The following XRCC3 variants were observed in gnomAD, a reference collection of about 807,000 sequenced individuals.
XRCC3 encodes X-ray repair cross complementing 3.
A neutral mutation model predicts 29.2 loss-of-function variants in XRCC3; 34 were observed. The observed-to-expected ratio is 1.16, with a 90% CI of 0.88 to 1.55. The LOEUF is 1.55. XRCC3 is among the 40% of genes most tolerant of loss of function. XRCC3 has a pLI of 0.00. For missense variants in XRCC3, 463 were observed against 467.6 expected (o/e 0.99, Z 0.09); for synonymous variants, 223 against 211.3 (o/e 1.06, Z -0.48).
At chr14:103,700,222 C>G (rs1221233442) in intron 7 of XRCC3, 1 of 203,432 alleles carries the variant, frequency 4.9e-6, no homozygotes, top group African/African-American at 2.3e-5. Flanking sequence ...GCATCCAGGC[C>G]TTAGCCCTGT....
intron 6 of XRCC3, chr14:103,703,534 A>C (rs1272802925): frequency 3.2e-6 from 2 of 620,354 alleles, no homozygotes; most frequent in South Asian, 1.8e-5. Flanking sequence ...CCTCAGGAGG[A>C]ATATGGGCTG....
At chr14:103,713,664 A>G (rs2083708130) in intron 1 of XRCC3, 1 of 152,148 alleles carries the variant, frequency 6.6e-6, no homozygotes, top group South Asian at 2.1e-4. Context: ...AGGTGGACTC[A>G]CTCCTCTGCC....
rs1324691444 is a variant in XRCC3, at chr14:103,707,036, G to A, written c.373C>T (p.Gln125Ter). ...QLALQLCLAV[Q>*]FPRQHGGLEA... ...AGGCCTCCGTGCTGCCGCGGGAACT[G>A]CACAGCCAGGCAGAGCTGCAGCGCC... The change falls in exon 6 of 10, where the codon CAG becomes TAG. Residue 125 changes from glutamine (Q) to a stop codon, truncating the protein, a stop_gained. Transcript: ENST00000555055. LOFTEE classifies it high-confidence loss of function. The A allele has an allele frequency of 1.3e-6, 2 of 1,566,636 alleles. No individual in the cohort carries two copies. The highest frequency in any genetic ancestry group is 1.8e-5 in the Admixed American group (1 of 54,502).
In XRCC3 at chr14:103,711,101, TGGCCACCA is replaced by T; in HGVS notation, c.-22_-15del. ...ATCCAAATCCATTTTGTCGGTGGGC[TGGCCACCA>T]GGATGAATAACTTCCCAGGAAAGAC... On this transcript the variant is annotated 5_prime_UTR_variant, in exon 4 of 10. Coordinates refer to ENST00000555055, the MANE Select transcript of XRCC3 (RefSeq NM_005432.4). 1 of 1,614,070 alleles carries T rather than the reference TGGCCACCA, an allele frequency of 6.2e-7. No homozygotes were observed. Among genetic ancestry groups the T allele is most frequent in the African/African-American group, 1.3e-5 (1 of 75,068 alleles).
intron 8 of XRCC3, 32 bp downstream of exon 8, chr14:103,699,332 G>C (rs1281532453): frequency 6.4e-7 from 1 of 1,570,196 alleles, no homozygotes; most frequent in African/African-American, 1.4e-5. Flanking sequence ...AAAAATACGA[G>C]CTCAGGGGTG....
chr14:103,703,418 C>T, intron 6 of XRCC3, 91 bp from the exon 7 acceptor site: 1 of 1,402,074 alleles, frequency 7.1e-7, no homozygotes, highest in Non-Finnish European at 9.7e-7. Flanking sequence ...CCCGCCATTT[C>T]TAACTCTCTG....
At chr14:103,700,169 T>G in intron 7 of XRCC3, 1 of 204,932 alleles carries the variant, frequency 4.9e-6, no homozygotes, top group Non-Finnish European at 1.0e-5. Context: ...GGGGTCAGGA[T>G]GGGGCTGTAG....
chr14:103,712,026 G>T lies in XRCC3; in HGVS notation c.-260-459C>A. 3 of 341,834 alleles carry T rather than the reference G, an allele frequency of 8.8e-6. No individual in the cohort carries two copies. In the Admixed American group the frequency reaches 1.2e-4, roughly 14 times the overall value. The allele number at this position is 341,834 out of a possible 1,614,324, so 21.2% of individuals were successfully genotyped here. On this transcript the variant is annotated intron_variant, in intron 2 of 9. Transcript: ENST00000555055. ...GTGGACTTGGAGAAGGTTTTCCCTT[G>T]GACCACACAGAATGCGGCACTGGCC... is the stretch of plus-strand genomic sequence containing the variant.
intron 5 of XRCC3, 159 bp from the exon 6 acceptor site, chr14:103,707,374 G>C (rs998660259): frequency 1.1e-6 from 1 of 904,124 alleles, no homozygotes; most frequent in Non-Finnish European, 1.7e-6. Context: ...GGGCAGGGAG[G>C]GGGGCCCAGC....
At chr14:103,714,056 C>T (rs3212028) in intron 1 of XRCC3, 12,293 of 152,294 alleles carry the variant, frequency 0.081, 703 homozygotes, top group Non-Finnish European at 0.13. Flanking sequence ...CTCCAGGGGC[C>T]CGCTCCATCC....
intron 1 of XRCC3, among the ~76,000 whole-genome samples, chr14:103,714,478 A>G (rs976480895): frequency 3.3e-5 from 5 of 151,984 alleles, no homozygotes; most frequent in Non-Finnish European, 5.9e-5. Context: ...AAAAAAAAAA[A>G]AAAAAGAAAA....
Position 103,706,847 on chromosome 14 carries a change from C to G in XRCC3, c.406+156G>C, listed in dbSNP as rs55650682. On this transcript the variant is annotated intron_variant, in intron 6 of 9. Transcript: ENST00000555055. ...CCAGCCTCACTTCCCCCTCCCTGTT[C>G]TGGAAGGAGCGAGGGCAATCAGGGT... 1.1e-3 allele frequency: 980 copies of G among 894,974 alleles called. 8 individuals carry two copies. The East Asian group carries it at 0.017, about 16-fold the overall frequency. The allele number at this position is 894,974 out of a possible 1,614,324, so 55.4% of individuals were successfully genotyped here.
intron 7 of XRCC3, chr14:103,701,645 T>C (rs1033701411): frequency 7.8e-5 from 12 of 154,414 alleles, no homozygotes; most frequent in African/African-American, 2.4e-4. Flanking sequence ...GAGGCCGAGG[T>C]GGGCGGATCA....
chr14:103,699,321 T>C (rs1273671719), intron 8 of XRCC3, 43 bp downstream of exon 8: 9 of 1,560,334 alleles, frequency 5.8e-6, no homozygotes, highest in East Asian at 2.4e-5. Context: ...GCATCCTGGC[T>C]AAAAATACGA....
Position 103,711,556 on chromosome 14 carries a change from TC to T in XRCC3, c.-250del, listed in dbSNP as rs1176471005. ...TGCAGTTTAATTTCCCTTAAGTGTC[TC>T]CCTGGGGACTCTGGAAAGAGTGGGA... On this transcript the variant is annotated 5_prime_UTR_variant, in exon 3 of 10. It removes the in-frame stop codon of an upstream open reading frame in the 5' UTR. Transcript: ENST00000555055. 2 of 457,264 alleles carry T rather than the reference TC, an allele frequency of 4.4e-6. No individual in the cohort carries two copies. The allele number at this position is 457,264 out of a possible 1,614,324, so 28.3% of individuals were successfully genotyped here.
chr14:103,700,583 G>T (rs1047212851), intron 7 of XRCC3: 20 of 1,253,940 alleles, frequency 1.6e-5, no homozygotes, highest in Middle Eastern at 2.4e-4. Context: ...CTGGTGTCAC[G>T]CCCGGAGCTC....
intron 7 of XRCC3, chr14:103,700,355 C>T: frequency 5.6e-6 from 2 of 356,454 alleles, no homozygotes; most frequent in Non-Finnish European, 1.0e-5. Flanking sequence ...CCTCTGGGTG[C>T]TGCCGTGGCC....
At chr14:103,702,412 G>C (rs2083255618) in intron 7 of XRCC3, 1 of 152,456 alleles carries the variant, frequency 6.6e-6, no homozygotes, top group Non-Finnish European at 1.5e-5. Context: ...ATCTCACCAG[G>C]GCAGCAGCCT....
In XRCC3 at chr14:103,703,316, T is replaced by C. The variant is rs1254281866; in HGVS notation, c.418A>G (p.Ile140Val). The change falls in exon 7 of 10, where the codon ATC becomes GTC. Residue 140 changes from isoleucine to valine, a missense_variant. Physicochemically the swap from Ile to Val is conservative, Grantham distance 29 (BLOSUM62 3). Coordinates refer to ENST00000555055, the MANE Select transcript of XRCC3 (RefSeq NM_005432.4). The stretch of plus-strand genomic sequence containing the variant: ...TGCGGGAAGGCGTCTTCCGTGCAGA[T>C]GTAGACGGCTCCTGGGAAGCAAGAG... ...HGGLEAGAVY[I>V]CTEDAFPHKR... 5.2e-6 allele frequency: 8 copies of C among 1,551,140 alleles called. No individual in the cohort carries two copies. Among genetic ancestry groups the C allele is most frequent in the South Asian group, 3.5e-5 (3 of 84,746 alleles).
Sources: allele counts gnomAD v4.1 joint callset (sites outside exome capture counted in the v4.1 genomes callset), GRCh38; gene constraint gnomAD v4.1.1; transcripts MANE v1.5; gene names NCBI Gene and HGNC (gene_info 2026-07-23, HGNC 2026-07-21).